RERG: variants seen among roughly 807,000 people sequenced by gnomAD.
The protein encoded by RERG is RAS like estrogen regulated growth inhibitor, also known as ras-related and estrogen-regulated growth inhibitor.
RERG carries 25 observed loss-of-function variants against 23.2 expected under a neutral mutation model. That is an observed-to-expected ratio of 1.08 (90% CI 0.79 to 1.50). The LOEUF (loss-of-function observed/expected upper bound fraction) is 1.50. Ranked by LOEUF, RERG falls within the 40% of genes most tolerant of loss-of-function variation. The pLI is 0.00. For missense variants in RERG, 253 were observed against 250.1 expected, an observed-to-expected ratio of 1.01 and a Z score of -0.08; for synonymous variants, 81 against 89.1, an observed-to-expected ratio of 0.91 and a Z score of 0.51.
At chr12:15,139,065 A>T (rs2136100626) in intron 2 of RERG, among the ~76,000 whole-genome samples, 1 of 124,900 alleles carries the variant, frequency 8.0e-6, no homozygotes, top group East Asian at 2.2e-4. Context: ...TTTACAACAT[A>T]AATTTGTTTT....
intron 3 of RERG, chr12:15,112,371 T>G (rs770578234): frequency 6.6e-6 from 1 of 152,302 alleles, no homozygotes; most frequent in African/African-American, 2.4e-5. Flanking sequence ...TGGAACTATA[T>G]GGAGTCCTCT....
chr12:15,207,019 A>G (rs1865300892), intron 2 of RERG, among the ~76,000 whole-genome samples: 1 of 152,184 alleles, frequency 6.6e-6, no homozygotes, highest in African/African-American at 2.4e-5. Context: ...GAAGTTATTT[A>G]CTGACCACAG....
rs1565502930 is a variant in RERG at position 15,109,122 on chromosome 12, T to C, written c.588A>G (p.Lys196=). Residue 196 remains lysine, a synonymous_variant, in exon 5 of 5, where the codon AAA becomes AAG. Coordinates refer to ENST00000256953, the MANE Select transcript of RERG (RefSeq NM_032918.3). ...VKQAINKMLT[K]ISS The stretch of plus-strand genomic sequence containing the variant: ...TCAGCTGGGCTGCCTAACTACTGAT[T>C]TTGGTGAGCATCTTGTTAATGGCTT... The C allele has an allele frequency of 6.3e-6, 10 of 1,589,676 alleles. No homozygotes were observed. The highest frequency in any genetic ancestry group is 8.6e-6 in the Non-Finnish European group (10 of 1,167,728).
At chr12:15,210,340 T>C (rs1019862381) in intron 2 of RERG, among the ~76,000 whole-genome samples, 2 of 152,242 alleles carry the variant, frequency 1.3e-5, no homozygotes, top group Non-Finnish European at 1.5e-5. Flanking sequence ...TAGCCATTAG[T>C]TTAAAATAAA....
chr12:15,185,298 T>C (rs1478257110), intron 2 of RERG, among the ~76,000 whole-genome samples: 1 of 152,186 alleles, frequency 6.6e-6, no homozygotes, highest in African/African-American at 2.4e-5. Context: ...TTCTTAACCG[T>C]GGCCTAGACA....
chr12:15,179,984 GA>G (rs1252286056), intron 2 of RERG, among the ~76,000 whole-genome samples: 13 of 152,094 alleles, frequency 8.5e-5, no homozygotes, highest in African/African-American at 3.1e-4. Context: ...AACAAGTTTA[GA>G]AGTTTTCAGA....
At chr12:15,213,996 ATGTGTGTGTGTGTGTGTGTGTG>A (rs59427690) in intron 2 of RERG, among the ~76,000 whole-genome samples, 49 of 131,012 alleles carry the variant, frequency 3.7e-4, no homozygotes, top group African/African-American at 1.4e-3. Flanking sequence ...CAGAGAAAGT[ATGTGTGTGTGTGTGTGTGTGTG>A]TGTGTGTGTG....
chr12:15,149,343 T>C (rs1020166751), intron 2 of RERG, among the ~76,000 whole-genome samples: 6 of 152,264 alleles, frequency 3.9e-5, no homozygotes, highest in African/African-American at 1.4e-4. Context: ...TCTTAACATA[T>C]TTTAAAATAT....
intron 3 of RERG, chr12:15,112,221 G>A (rs567553352): frequency 1.3e-5 from 2 of 152,322 alleles, no homozygotes; most frequent in East Asian, 3.9e-4. Context: ...ATATTACCAG[G>A]AAGTGAATGG....
rs548722298 is a variant in RERG, at chr12:15,200,915, T to C, written c.61+16514A>G. On this transcript the variant is annotated intron_variant, in intron 2 of 4. Transcript: ENST00000256953. The stretch of plus-strand genomic sequence containing the variant: ...TTCGCATTTTTTACATATTAAATAT[T>C]ATGCTCTTCTATCTTCCTTTACAAT... 2.0e-5 allele frequency among the ~76,000 whole-genome samples: 3 copies of C among 152,030 alleles called. No homozygotes were observed. In the South Asian group the frequency reaches 6.2e-4, roughly 32 times the overall value.
chr12:15,109,031 A>T lies in RERG; in HGVS notation c.*79T>A. On this transcript the variant is annotated 3_prime_UTR_variant, in exon 5 of 5. Coordinates refer to ENST00000256953, the MANE Select transcript of RERG (RefSeq NM_032918.3). ...TTCTCAGAATCCAAACAAAGAATGC[A>T]ATATTTTGTTTTATTTTTGAAAGGG... The T allele has an allele frequency of 7.7e-7, 1 of 1,305,390 alleles. No homozygotes were observed. Among genetic ancestry groups the T allele is most frequent in the Non-Finnish European group, 1.1e-6 (1 of 949,628 alleles). 80.9% of individuals were successfully genotyped at this position (1,305,390 alleles called of 1,614,324 possible).
chr12:15,116,016 T>A (rs1448369535), intron 3 of RERG, among the ~76,000 whole-genome samples: 1 of 152,272 alleles, frequency 6.6e-6, no homozygotes, highest in Non-Finnish European at 1.5e-5. Flanking sequence ...AATCTATACA[T>A]GGTGTATGCA....
In RERG at chr12:15,173,362, T is replaced by G. The variant is rs372337152; in HGVS notation, c.61+44067A>C. ...TTGTGCCAGTACCACACTGTTTTGA[T>G]TAATGTAGCTTTTATAATGAGTTTT... On this transcript the variant is annotated intron_variant, in intron 2 of 4. Coordinates refer to ENST00000256953, the MANE Select transcript of RERG (RefSeq NM_032918.3). Among the ~76,000 whole-genome samples the G allele has an allele frequency of 7.9e-5, 12 of 152,130 alleles. No individual in the cohort carries two copies. The East Asian group carries it at 1.9e-3, about 24-fold the overall frequency.
chr12:15,184,071 A>C (rs1199095481), intron 2 of RERG, among the ~76,000 whole-genome samples: 1 of 152,170 alleles, frequency 6.6e-6, no homozygotes, highest in Non-Finnish European at 1.5e-5. Context: ...AGTGACACTC[A>C]TGAGTCAGAA....
chr12:15,160,181 AT>A (rs761130691), intron 2 of RERG, among the ~76,000 whole-genome samples: 7 of 150,778 alleles, frequency 4.6e-5, no homozygotes, highest in East Asian at 1.9e-4. Context: ...CATTTTGGTC[AT>A]TTTTTTTTGT....
At chr12:15,114,316 G>A (rs1015665698) in intron 3 of RERG, among the ~76,000 whole-genome samples, 2 of 152,028 alleles carry the variant, frequency 1.3e-5, no homozygotes, top group East Asian at 3.8e-4. Context: ...GCTAAAGACT[G>A]GAGAACATAT....
chr12:15,217,986 T>G (rs1865465330), intron 1 of RERG: 1 of 152,988 alleles, frequency 6.5e-6, no homozygotes, highest in Admixed American at 6.5e-5. Flanking sequence ...ATGGAGAGAG[T>G]CACTTTTGGG....
intron 2 of RERG, among the ~76,000 whole-genome samples, chr12:15,126,149 ATATGTATT>A (rs1340055724): frequency 7.1e-6 from 1 of 141,828 alleles, no homozygotes; most frequent in African/African-American, 2.6e-5. Context: ...ATATATATAT[ATATGTATT>A]TACACACATA....
At chr12:15,217,345 C>G in intron 2 of RERG, 84 bp downstream of exon 2, 1 of 888,434 alleles carries the variant, frequency 1.1e-6, no homozygotes, top group East Asian at 2.4e-5. Context: ...ACCAACTACT[C>G]ACCTGCCCAA....
Sources: allele counts gnomAD v4.1 joint callset (sites outside exome capture counted in the v4.1 genomes callset), GRCh38; gene constraint gnomAD v4.1.1; transcripts MANE v1.5; gene names NCBI Gene and HGNC (gene_info 2026-07-23, HGNC 2026-07-21).